Variants in NSFL1C observed in about 807,000 individuals in gnomAD.
The protein encoded by NSFL1C is NSFL1 cofactor p47.
Under a neutral mutation model 43.1 loss-of-function variants are expected in NSFL1C, and 14 were observed. The ratio of observed to expected loss-of-function variants is 0.32; its 90% CI spans 0.21 to 0.51. The LOEUF is 0.51. Among genes scored for constraint, NSFL1C ranks in the 20% least tolerant of loss-of-function variants. The pLI, the probability that NSFL1C is intolerant of heterozygous loss-of-function variation, is 0.98. For missense variants in NSFL1C, 406 were observed against 472.5 expected (o/e 0.86, Z 1.30); for synonymous variants, 171 against 183.5 (o/e 0.93, Z 0.55).
At chr20:1,455,785 A>G (rs745907813) in intron 3 of NSFL1C, 8 of 777,934 alleles carry the variant, frequency 1.0e-5, no homozygotes, top group Admixed American at 8.5e-5. Flanking sequence ...AGAGTAATGC[A>G]CACAGGTAAG....
At chr20:1,455,834 C>T (rs774597873) in intron 3 of NSFL1C, 6 of 751,446 alleles carry the variant, frequency 8.0e-6, no homozygotes, top group African/African-American at 1.7e-5. Flanking sequence ...CCAAGCCTCA[C>T]CTCACCTTGC....
At chr20:1,457,634 G>A (rs887710550) in intron 3 of NSFL1C, among the ~76,000 whole-genome samples, 3 of 152,118 alleles carry the variant, frequency 2.0e-5, no homozygotes, top group African/African-American at 7.2e-5. Flanking sequence ...ACACTCTGTC[G>A]ATTGTTCTAG....
At chr20:1,444,023 A>G in intron 8 of NSFL1C, 112 bp from the exon 9 acceptor site, 1 of 1,183,568 alleles carries the variant, frequency 8.4e-7, no homozygotes, top group Non-Finnish European at 1.2e-6. Flanking sequence ...TCCACAGAAC[A>G]GCGAAAGCTA....
At chr20:1,464,708 G>C (rs1052684079) in intron 1 of NSFL1C, among the ~76,000 whole-genome samples, 32 of 152,202 alleles carry the variant, frequency 2.1e-4, no homozygotes, top group African/African-American at 7.2e-4. Flanking sequence ...AGTAAAAGTA[G>C]CACACATTTA....
At chr20:1,465,417 C>A (rs1040030289) in intron 1 of NSFL1C, among the ~76,000 whole-genome samples, 1 of 152,222 alleles carries the variant, frequency 6.6e-6, no homozygotes, top group Non-Finnish European at 1.5e-5. Flanking sequence ...TCAGTTTCCC[C>A]ACTACAATGT....
chr20:1,458,339 G>A, intron 2 of NSFL1C, 65 bp from the exon 3 acceptor site: 3 of 1,352,928 alleles, frequency 2.2e-6, no homozygotes, highest in Non-Finnish European at 3.2e-6. Context: ...CTCATCACCA[G>A]CTGCTAAGGA....
At chr20:1,458,031 G>A in intron 3 of NSFL1C, 169 bp downstream of exon 3, 1 of 575,660 alleles carries the variant, frequency 1.7e-6, no homozygotes, top group Non-Finnish European at 3.2e-6. Flanking sequence ...TCACTTCTAA[G>A]CTACAAGGAG....
intron 7 of NSFL1C, among the ~76,000 whole-genome samples, chr20:1,450,490 T>A (rs1422076006): frequency 6.6e-6 from 1 of 152,186 alleles, no homozygotes; most frequent in Non-Finnish European, 1.5e-5. Context: ...ATTCCTATCA[T>A]GCTAAAATAG....
chr20:1,454,853 C>A, intron 4 of NSFL1C, 114 bp downstream of exon 4: 1 of 1,118,358 alleles, frequency 8.9e-7, no homozygotes, highest in Non-Finnish European at 1.3e-6. Context: ...CACAGAAGAC[C>A]AAGTAAGCAA....
chr20:1,446,988 A>C (rs2090073022), intron 7 of NSFL1C, among the ~76,000 whole-genome samples: 1 of 152,254 alleles, frequency 6.6e-6, no homozygotes, highest in Non-Finnish European at 1.5e-5. Flanking sequence ...TAGCAGCTTC[A>C]GAGGCCATTG....
At position 1,442,300 on chromosome 20, in the gene NSFL1C, C is replaced by T. The variant is rs1009610977; in HGVS notation, c.*1449G>A. The stretch of plus-strand genomic sequence containing the variant: ...TGCCATTGCCCCAGCAGGCCACTGC[C>T]GGTGTGGGAACTTTGGGATCAAAAG... On this transcript the variant is annotated 3_prime_UTR_variant, in exon 9 of 9. Transcript: ENST00000216879. 4 of 152,212 alleles carry T rather than the reference C, an allele frequency of 2.6e-5. No individual in the cohort carries two copies. The highest frequency in any genetic ancestry group is 1.9e-4 in the East Asian group (1 of 5,200). 9.4% of individuals were successfully genotyped at this position (152,212 alleles called of 1,614,324 possible). A position where few individuals can be genotyped will look rare whatever the true frequency, so the allele number is the denominator to read the frequency against.
chr20:1,463,256 A>C (rs1455067474), intron 2 of NSFL1C: 1 of 152,178 alleles, frequency 6.6e-6, no homozygotes, highest in Non-Finnish European at 1.5e-5. Context: ...CATCCCAACA[A>C]CACCCTAAGG....
intron 1 of NSFL1C, among the ~76,000 whole-genome samples, 179 bp downstream of exon 1, chr20:1,466,541 C>T (rs1271480088): frequency 1.3e-5 from 2 of 152,218 alleles, no homozygotes; most frequent in African/African-American, 4.8e-5. Flanking sequence ...GGCCCGCGTT[C>T]CCCCACTCCC....
intron 6 of NSFL1C, 107 bp from the exon 7 acceptor site, chr20:1,452,737 G>T (rs562113211): frequency 7.9e-5 from 110 of 1,393,826 alleles, no homozygotes; most frequent in Non-Finnish European, 1.0e-4. Flanking sequence ...AAATCGCTGG[G>T]CCTCCAAAGG....
chr20:1,455,188 A>C (rs1009231632), intron 3 of NSFL1C, 56 bp from the exon 4 acceptor site: 21 of 1,601,560 alleles, frequency 1.3e-5, no homozygotes, highest in Non-Finnish European at 1.8e-5. Flanking sequence ...TGAATAGAGC[A>C]TGTGCCAGGT....
intron 4 of NSFL1C, 42 bp downstream of exon 4, chr20:1,454,925 A>T: frequency 6.3e-7 from 1 of 1,587,318 alleles, no homozygotes; most frequent in Non-Finnish European, 8.6e-7. Flanking sequence ...CCAGTTCTGG[A>T]ATCTCAGTCC....
intron 7 of NSFL1C, 37 bp downstream of exon 7, chr20:1,452,456 T>C (rs756452888): frequency 6.8e-6 from 11 of 1,608,278 alleles, no homozygotes; most frequent in South Asian, 5.5e-5. Flanking sequence ...GCAGGTGTGA[T>C]TGACAGAGTC....
intron 3 of NSFL1C, chr20:1,456,968 T>C (rs1348101109): frequency 1.3e-5 from 2 of 152,184 alleles, no homozygotes; most frequent in Non-Finnish European, 2.9e-5. Flanking sequence ...AGCAAAACCA[T>C]ATTTATATAC....
rs754044061 is a variant in NSFL1C, at chr20:1,445,792, T to C, written c.824A>G (p.Gln275Arg). 5.6e-6 allele frequency: 9 copies of C among 1,613,944 alleles called. No individual in the cohort carries two copies. Among genetic ancestry groups the C allele is most frequent in the Non-Finnish European group, 6.8e-6 (8 of 1,180,018 alleles). ...PQVLSTSSPA[Q>R]QAENEAKASS... ...GGCTTTGGCTTCATTTTCTGCCTGT[T>C]GGGCTGGAGAGCTGGTACTCAACAC... The change falls in exon 8 of 9, where the codon CAA (glutamine) becomes CGA (arginine). Residue 275 changes from glutamine (Q) to arginine (R), a missense_variant. Gln to Arg is a conservative substitution (Grantham distance 43, BLOSUM62 1). Transcript: ENST00000216879.
Sources: allele counts gnomAD v4.1 joint callset (sites outside exome capture counted in the v4.1 genomes callset), GRCh38; gene constraint gnomAD v4.1.1; transcripts MANE v1.5; gene names NCBI Gene and HGNC (gene_info 2026-07-23, HGNC 2026-07-21).